CDC20B: variants seen among roughly 807,000 people sequenced by gnomAD.
CDC20B encodes the protein cell division cycle 20B, also known as cell division cycle protein 20 homolog B.
CDC20B carries 58 observed loss-of-function variants against 64.1 expected under a neutral mutation model. That is an observed-to-expected ratio of 0.90 (90% CI 0.73 to 1.13). CDC20B has a LOEUF of 1.13. Ranked by LOEUF, CDC20B falls within the 50% of genes most tolerant of loss-of-function variation. The pLI, the probability that CDC20B is intolerant of heterozygous loss-of-function variation, is 0.00. For synonymous variants in CDC20B, 243 were observed against 230.6 expected, an observed-to-expected ratio of 1.05 and a Z score of -0.49; for missense variants, 597 against 633.0, an observed-to-expected ratio of 0.94 and a Z score of 0.61.
At position 55,133,479 on chromosome 5, in the gene CDC20B, A is replaced by G. The variant is rs149160251; in HGVS notation, c.630T>C (p.Gly210=). ...RDESFHLKSS[G]DINDSILQPE... is the part of the protein sequence containing the mutation. ...GTTGGAGTATGGAATCGTTTATATC[A>G]CCAGAACTTTTAAGATGGAAGGATT... is the stretch of plus-strand genomic sequence containing the variant. Residue 210 remains glycine, a synonymous_variant, in exon 6 of 12, where the codon GGT becomes GGC. Coordinates refer to ENST00000381375, the MANE Select transcript of CDC20B (RefSeq NM_001170402.1). 104 of 1,582,466 alleles carry G rather than the reference A, an allele frequency of 6.6e-5. No individual in the cohort carries two copies. Among genetic ancestry groups the G allele is most frequent in the Non-Finnish European group, 8.3e-5 (96 of 1,158,850 alleles).
chr5:55,160,968 GT>G (rs1249814967), intron 2 of CDC20B: 1 of 1,583,868 alleles, frequency 6.3e-7, no homozygotes, highest in East Asian at 2.2e-5. Context: ...TCACTTTCCG[GT>G]TGGATTTTTT....
At chr5:55,148,836 A>G (rs1743578680) in intron 2 of CDC20B, among the ~76,000 whole-genome samples, 1 of 152,266 alleles carries the variant, frequency 6.6e-6, no homozygotes, top group Admixed American at 6.5e-5. Context: ...CCTAAGAAAC[A>G]TCTGTGAAGC....
chr5:55,162,626 A>G (rs1384669532), intron 2 of CDC20B, among the ~76,000 whole-genome samples: 2 of 152,262 alleles, frequency 1.3e-5, no homozygotes, highest in Non-Finnish European at 2.9e-5. Flanking sequence ...AAGTTGATAT[A>G]ATGCCTAACG....
At chr5:55,126,157 A>T (rs1374784644) in intron 8 of CDC20B, among the ~76,000 whole-genome samples, 1 of 152,312 alleles carries the variant, frequency 6.6e-6, no homozygotes, top group East Asian at 1.9e-4. Flanking sequence ...CCAAAAACAC[A>T]AGATATTCAA....
intron 6 of CDC20B, among the ~76,000 whole-genome samples, 160 bp downstream of exon 6, chr5:55,133,252 C>T (rs1034369641): frequency 1.3e-5 from 2 of 152,226 alleles, no homozygotes; most frequent in Middle Eastern, 3.4e-3. Flanking sequence ...ATGAAAGTTG[C>T]ACCAGGAAAA....
chr5:55,167,260 A>T (rs1235987691), intron 2 of CDC20B, among the ~76,000 whole-genome samples: 1 of 152,178 alleles, frequency 6.6e-6, no homozygotes, highest in Non-Finnish European at 1.5e-5. Flanking sequence ...ATAACAACAG[A>T]GTGTTAGAGA....
At chr5:55,160,429 A>G in intron 2 of CDC20B, 1 of 1,548,558 alleles carries the variant, frequency 6.5e-7, no homozygotes, top group Non-Finnish European at 8.9e-7. Context: ...TATTGTTATC[A>G]TTTTTCCTTG....
At chr5:55,125,706 TAAG>T (rs1362192254) in intron 8 of CDC20B, among the ~76,000 whole-genome samples, 1 of 152,238 alleles carries the variant, frequency 6.6e-6, no homozygotes, top group Non-Finnish European at 1.5e-5. Flanking sequence ...TAATTTTCTC[TAAG>T]GAGTAAGTAA....
chr5:55,130,749 T>G (rs1057027505), intron 6 of CDC20B, among the ~76,000 whole-genome samples: 1 of 152,208 alleles, frequency 6.6e-6, no homozygotes, highest in Non-Finnish European at 1.5e-5. Flanking sequence ...GGAGCCATTT[T>G]TTCCTCTTAA....
At chr5:55,137,332 C>G in intron 5 of CDC20B, 1 of 326,008 alleles carries the variant, frequency 3.1e-6, no homozygotes. Flanking sequence ...AGTTTCCTAC[C>G]AGCTTTCGGC....
intron 2 of CDC20B, among the ~76,000 whole-genome samples, chr5:55,152,380 T>C (rs887117884): frequency 6.6e-6 from 1 of 152,228 alleles, no homozygotes; most frequent in Admixed American, 6.5e-5. Context: ...GCTAATAACA[T>C]TTACCAAACA....
chr5:55,140,345 C>G lies in CDC20B; in HGVS notation c.549G>C (p.Gln183His). ...NVVQQANGKM[Q>H]LCEQSECVWK... ...AAACACATTCGGATTGCTCACAGAG[C>G]TGCATTTTTCCATTAGCCTGCTGAA... Residue 183 changes from glutamine to histidine, a missense_variant, in exon 5 of 12, where the codon CAG becomes CAC. Physicochemically the swap from Gln to His is conservative, Grantham distance 24. Coordinates refer to ENST00000381375, the MANE Select transcript of CDC20B (RefSeq NM_001170402.1). 1 of 1,613,426 alleles carries G rather than the reference C, an allele frequency of 6.2e-7. No individual in the cohort carries two copies. Among genetic ancestry groups the G allele is most frequent in the South Asian group, 1.1e-5 (1 of 90,940 alleles).
intron 4 of CDC20B, among the ~76,000 whole-genome samples, chr5:55,142,763 T>C (rs1485345943): frequency 6.6e-6 from 1 of 152,176 alleles, no homozygotes; most frequent in Admixed American, 6.5e-5. Flanking sequence ...TTCAGATAAC[T>C]AAAATTTATA....
intron 2 of CDC20B, among the ~76,000 whole-genome samples, chr5:55,162,845 G>A (rs573102584): frequency 1.3e-5 from 2 of 152,326 alleles, no homozygotes; most frequent in African/African-American, 4.8e-5. Flanking sequence ...AGGTAACAGT[G>A]AGTTAAGGTG....
intron 11 of CDC20B, among the ~76,000 whole-genome samples, chr5:55,119,488 C>G (rs1271974998): frequency 6.6e-6 from 1 of 152,170 alleles, no homozygotes; most frequent in Non-Finnish European, 1.5e-5. Context: ...TTCTACACCG[C>G]TGGTTTTTCT....
chr5:55,124,774 G>A (rs1457448784), intron 9 of CDC20B, 29 bp downstream of exon 9: 6 of 1,585,934 alleles, frequency 3.8e-6, no homozygotes, highest in Non-Finnish European at 5.2e-6. Flanking sequence ...TGAGTAACAG[G>A]AAACCTAGAA....
At chr5:55,153,337 A>G (rs939052370) in intron 2 of CDC20B, among the ~76,000 whole-genome samples, 2 of 152,156 alleles carry the variant, frequency 1.3e-5, no homozygotes, top group Non-Finnish European at 2.9e-5. Flanking sequence ...ATGAAACAAC[A>G]AAAGTGTATC....
At chr5:55,120,616 G>A (rs751341540) in intron 9 of CDC20B, 66 bp from the exon 10 acceptor site, 24 of 1,588,438 alleles carry the variant, frequency 1.5e-5, no homozygotes, top group Non-Finnish European at 2.0e-5. Flanking sequence ...TGAATGTGAT[G>A]CACTTAGGTA....
chr5:55,170,902 G>A (rs1033652936), intron 2 of CDC20B, among the ~76,000 whole-genome samples: 2 of 152,130 alleles, frequency 1.3e-5, no homozygotes, highest in African/African-American at 4.8e-5. Flanking sequence ...CTTGAATCTA[G>A]TCAAAAACAT....
Sources: allele counts gnomAD v4.1 joint callset (sites outside exome capture counted in the v4.1 genomes callset), GRCh38; gene constraint gnomAD v4.1.1; transcripts MANE v1.5; gene names NCBI Gene and HGNC (gene_info 2026-07-23, HGNC 2026-07-21).